SGO2: variants seen among roughly 807,000 people sequenced by gnomAD.
SGO2 encodes the protein shugoshin-like 2.
SGO2 carries 68 observed loss-of-function variants against 99.5 expected under a neutral mutation model. That is an observed-to-expected ratio of 0.68 (90% CI 0.56 to 0.84). SGO2 has a LOEUF of 0.84. Ranked by LOEUF, SGO2 falls within the 40% of genes least tolerant of loss-of-function variation. The probability of loss-of-function intolerance (pLI) is 0.00; values close to 1 mark genes in which losing one functional copy is unlikely to be tolerated. For synonymous variants in SGO2, 457 were observed against 487.1 expected (o/e 0.94, Z 0.81); for missense variants, 1,350 against 1,436.7 (o/e 0.94, Z 0.97).
chr2:200,536,188 A>G, intron 4 of SGO2, 46 bp downstream of exon 4: 1 of 1,167,076 alleles, frequency 8.6e-7, no homozygotes, highest in Non-Finnish European at 1.2e-6. Flanking sequence ...TAGATTACTG[A>G]GGATCACTGA....
In SGO2 at chr2:200,541,242, G is replaced by A. The variant is rs376080170; in HGVS notation, c.388-1337G>A. 1.4e-3 allele frequency among the ~76,000 whole-genome samples: 214 copies of A among 152,288 alleles called. 1 individual carries two copies. Among genetic ancestry groups the A allele is most frequent in the African/African-American group, 4.8e-3 (200 of 41,548 alleles). ...AAACCATAGCACTTTTGATATGCAA[G>A]CTAACTAATCCAGAGCCATATCTCC... On this transcript the variant is annotated intron_variant, in intron 4 of 8. Coordinates refer to ENST00000357799, the MANE Select transcript of SGO2 (RefSeq NM_152524.6).
intron 8 of SGO2, among the ~76,000 whole-genome samples, chr2:200,581,581 A>G (rs572175256): frequency 6.6e-6 from 1 of 152,232 alleles, no homozygotes; most frequent in South Asian, 2.1e-4. Context: ...TTCAATACCT[A>G]TGATGATCAT....
chr2:200,562,114 G>T (rs2032997248), intron 5 of SGO2, among the ~76,000 whole-genome samples: 1 of 152,208 alleles, frequency 6.6e-6, no homozygotes, highest in Non-Finnish European at 1.5e-5. Context: ...TGGTGTTTTA[G>T]TCATGAAGTC....
chr2:200,538,634 G>A (rs539566870), intron 4 of SGO2, among the ~76,000 whole-genome samples: 1 of 152,272 alleles, frequency 6.6e-6, no homozygotes, highest in South Asian at 2.1e-4. Context: ...ATTAGGTAGT[G>A]TTTCCCCAGT....
chr2:200,528,584 G>A (rs183725716), intron 1 of SGO2, among the ~76,000 whole-genome samples: 94 of 152,306 alleles, frequency 6.2e-4, no homozygotes, highest in Middle Eastern at 3.4e-3. Context: ...ATGTGTGTTA[G>A]AAATCCTAGT....
At chr2:200,568,578 G>A (rs994384642) in intron 5 of SGO2, among the ~76,000 whole-genome samples, 1 of 152,016 alleles carries the variant, frequency 6.6e-6, no homozygotes, top group African/African-American at 2.4e-5. Flanking sequence ...CAAAATTTGG[G>A]GCTCTCCTCT....
intron 8 of SGO2, among the ~76,000 whole-genome samples, chr2:200,576,997 A>G (rs1057250041): frequency 3.3e-5 from 5 of 149,828 alleles, no homozygotes; most frequent in African/African-American, 1.2e-4. Flanking sequence ...ATATGCTACT[A>G]TGAACATTCT....
In SGO2 at chr2:200,536,084, T is replaced by C. The variant is rs1441493356; in HGVS notation, c.329T>C (p.Ile110Thr). 1 of 1,591,356 alleles carries C rather than the reference T, an allele frequency of 6.3e-7. No homozygotes were observed. The highest frequency in any genetic ancestry group is 1.7e-5 in the Admixed American group (1 of 59,264). Residue 110 changes from isoleucine (I) to threonine (T), a missense_variant, in exon 4 of 9, where the codon ATA becomes ACA. Physicochemically the swap from Ile to Thr is moderately conservative, Grantham distance 89. Transcript: ENST00000357799. Reference sequence around the variant, plus strand: ...GTGCAGAATAAGAAGCTTATAGACATAGAAGCTCTCATGAACAATAACTTG... The same window carrying C: ...GTGCAGAATAAGAAGCTTATAGACACAGAAGCTCTCATGAACAATAACTTG... ...LNNLNKKLID[I>T]EALMNNNLIT...
At position 200,573,457 on chromosome 2, in the gene SGO2, A is replaced by G. The variant is rs1046114274; in HGVS notation, c.3111A>G (p.Pro1037=). 20 of 1,611,114 alleles carry G rather than the reference A, an allele frequency of 1.2e-5. No individual in the cohort carries two copies. Among genetic ancestry groups the G allele is most frequent in the Admixed American group, 6.7e-5 (4 of 59,600 alleles). ...TSEADSDPGN[P]VELCKTQKQS... ...AAGCAGATTCTGATCCAGGAAACCC[A>G]GTTGAACTATGTAAGACTCAGAAGC... is the stretch of plus-strand genomic sequence containing the variant. Residue 1037 remains proline (P), a synonymous_variant, in exon 7 of 9, where the codon CCA becomes CCG. Coordinates refer to ENST00000357799, the MANE Select transcript of SGO2 (RefSeq NM_152524.6).
At chr2:200,575,271 A>G (rs776940434) in intron 7 of SGO2, 40 bp from the exon 8 acceptor site, 2 of 1,352,280 alleles carry the variant, frequency 1.5e-6, no homozygotes, top group Admixed American at 2.1e-5. Context: ...ATCTCTATAT[A>G]CTTTTTAAAA....
intron 1 of SGO2, chr2:200,532,426 C>T (rs1339497900): frequency 2.0e-6 from 2 of 985,086 alleles, no homozygotes; most frequent in Non-Finnish European, 2.4e-6. Context: ...TTCCTCTGCC[C>T]AGTCACAGTT....
chr2:200,534,259 C>T (rs905705479), intron 2 of SGO2, among the ~76,000 whole-genome samples: 1 of 152,224 alleles, frequency 6.6e-6, no homozygotes, highest in South Asian at 2.1e-4. Flanking sequence ...TAAGGGAACA[C>T]ACTATATTTA....
At chr2:200,578,298 G>A (rs1002669655) in intron 8 of SGO2, among the ~76,000 whole-genome samples, 4 of 151,958 alleles carry the variant, frequency 2.6e-5, no homozygotes, top group South Asian at 2.1e-4. Flanking sequence ...GTTGGCTTCC[G>A]TGTCCTTTTG....
rs1243421532 is a variant in SGO2 at position 200,526,309 on chromosome 2, G to A, written c.-3+57G>A. On this transcript the variant is annotated intron_variant, in intron 1 of 8. Coordinates refer to ENST00000357799, the MANE Select transcript of SGO2 (RefSeq NM_152524.6). The surrounding 1 kb of genome is among the most constrained non-coding windows in gnomAD (Gnocchi z 4.8). ...CCGCCCTCTCCCTGTCGGGATCGGTGTCGTTCTTGAGTCGGTTCTCTAGGC... is the reference window on the plus strand; with the variant it reads ...CCGCCCTCTCCCTGTCGGGATCGGTATCGTTCTTGAGTCGGTTCTCTAGGC... The A allele has an allele frequency of 2.0e-5, 3 of 152,312 alleles. No individual in the cohort carries two copies. The highest frequency in any genetic ancestry group is 4.8e-5 in the African/African-American group (2 of 41,488). The allele number at this position is 152,312 out of a possible 1,614,324, so 9.4% of individuals were successfully genotyped here. A position where few individuals can be genotyped will look rare whatever the true frequency, so the allele number is the denominator to read the frequency against.
Position 200,570,991 on chromosome 2 carries a change from T to A in SGO2, c.704-59T>A, listed in dbSNP as rs1419827600. The A allele has an allele frequency of 4.8e-6, 7 of 1,458,656 alleles. No individual in the cohort carries two copies. The African/African-American group carries it at 1.0e-4, about 21-fold the overall frequency. 90.4% of individuals were successfully genotyped at this position (1,458,656 alleles called of 1,614,324 possible). On this transcript the variant is annotated intron_variant, in intron 6 of 8. Transcript: ENST00000357799. The surrounding 1 kb of genome is among the most constrained non-coding windows in gnomAD (Gnocchi z 4.4). The stretch of plus-strand genomic sequence containing the variant: ...AGCTTGATTTCGAATCTAATTTGTT[T>A]AAGGTAACTTATTTATTTCATTACT...
Position 200,569,734 on chromosome 2 carries a change from C to G in SGO2, c.545C>G (p.Ser182Ter). 1.9e-6 allele frequency: 3 copies of G among 1,612,732 alleles called. No homozygotes were observed. Among genetic ancestry groups the G allele is most frequent in the Non-Finnish European group, 2.5e-6 (3 of 1,179,206 alleles). Residue 182 changes from serine to a stop codon, truncating the protein, a stop_gained, in exon 6 of 9, where the codon TCA becomes TGA. Coordinates refer to ENST00000357799, the MANE Select transcript of SGO2 (RefSeq NM_152524.6). LOFTEE classifies it high-confidence loss of function. Reference sequence around the variant, plus strand: ...ATGCAGTGTGACAACAATATTAAATCAAAGACATTACCTGATATTCCCTCT... The same window carrying G: ...ATGCAGTGTGACAACAATATTAAATGAAAGACATTACCTGATATTCCCTCT... ...EKMQCDNNIK[S>*]KTLPDIPSSG...
At position 200,569,745 on chromosome 2, in the gene SGO2, C is replaced by T; in HGVS notation, c.556C>T (p.Pro186Ser). The T allele has an allele frequency of 6.2e-7, 1 of 1,612,924 alleles. No individual in the cohort carries two copies. The highest frequency in any genetic ancestry group is 8.5e-7 in the Non-Finnish European group (1 of 1,179,214). ...CAACAATATTAAATCAAAGACATTA[C>T]CTGATATTCCCTCTTCAGGATCAAC... ...CDNNIKSKTL[P>S]DIPSSGSTTQ... Residue 186 changes from proline (P) to serine (S), a missense_variant, in exon 6 of 9, where the codon CCT becomes TCT. Transcript: ENST00000357799.
chr2:200,575,378 T>C lies in SGO2; in HGVS notation c.3699T>C (p.Asn1233=). The change falls in exon 8 of 9, where the codon AAT becomes AAC. Residue 1233 remains asparagine (N), a synonymous_variant. Transcript: ENST00000357799. The part of the protein sequence containing the change: ...FVSNNTAESE[N]KSEDLSSERT... ...CAAATAACACTGCTGAATCTGAAAA[T>C]AAGTCAGAAGATCTATCTTCAGAAC... 1.2e-6 allele frequency: 2 copies of C among 1,608,344 alleles called. No homozygotes were observed. The highest frequency in any genetic ancestry group is 1.7e-6 in the Non-Finnish European group (2 of 1,176,266).
rs777980033 is a variant in SGO2 at position 200,572,205 on chromosome 2, CAG to C, written c.1861_1862del (p.Glu621AsnfsTer10). The stretch of plus-strand genomic sequence containing the variant: ...CTTAGAAAGAAAGTAAACCGGAAGA[CAG>C]AAATAATTTCTGGAATGAACCACAT... On this transcript the variant is annotated frameshift_variant, in exon 7 of 9. Transcript: ENST00000357799. LOFTEE classifies it high-confidence loss of function. 1 of 1,612,388 alleles carries C rather than the reference CAG, an allele frequency of 6.2e-7. No homozygotes were observed. The highest frequency in any genetic ancestry group is 1.7e-5 in the Admixed American group (1 of 59,904).
Sources: gnomAD v4.1 joint callset for allele counts (sites outside exome capture counted in the v4.1 genomes callset) on GRCh38, gnomAD v4.1.1 for gene constraint, Gnocchi (gnomAD v3.1) non-coding constraint, MANE v1.5 for transcripts, NCBI Gene and HGNC (gene_info 2026-07-23, HGNC 2026-07-21) for gene names.